MIA: variants seen among roughly 807,000 people sequenced by gnomAD.
The protein encoded by MIA is MIA SH3 domain containing.
In MIA, 18 loss-of-function variants were observed where a neutral mutation model predicts 18.5. The observed-to-expected ratio is 0.97, with a 90% CI of 0.67 to 1.44. The LOEUF is 1.44. Among genes scored for constraint, MIA ranks in the 40% most tolerant of loss-of-function variants. MIA has a pLI of 0.00. For missense variants in MIA, 158 were observed against 172.4 expected, an observed-to-expected ratio of 0.92 and a Z score of 0.47; for synonymous variants, 55 against 64.9, an observed-to-expected ratio of 0.85 and a Z score of 0.74.
chr19:40,775,977 A>G, intron 2 of MIA, 92 bp downstream of exon 2: 2 of 1,470,848 alleles, frequency 1.4e-6, no homozygotes, highest in South Asian at 2.5e-5. Flanking sequence ...GGTGAACTGA[A>G]ATAGACATTG....
At chr19:40,777,250 C>G in intron 3 of MIA, 147 bp from the exon 4 acceptor site, 1 of 1,122,168 alleles carries the variant, frequency 8.9e-7, no homozygotes, top group Non-Finnish European at 1.3e-6. Flanking sequence ...TTGGGAGGTG[C>G]AAAGATTAGA....
intron 2 of MIA, 42 bp downstream of exon 2, chr19:40,775,927 G>A: frequency 6.2e-7 from 1 of 1,603,480 alleles, no homozygotes; most frequent in Admixed American, 1.7e-5. Context: ...TACAGAGCTG[G>A]GGTAGACTCA....
chr19:40,775,352 C>T, upstream of MIA: 1 of 865,510 alleles, frequency 1.2e-6, no homozygotes. Flanking sequence ...CTTGGGCTTA[C>T]AGCCTTTACC....
In MIA at chr19:40,775,819, C is replaced by T. The variant is rs1407532101; in HGVS notation, c.195C>T (p.His65=). ...CCGACTGCCGATTCCTGACCATTCA[C>T]CGGGGCCAAGTGGTGTATGTCTTCT... ...MAPDCRFLTI[H]RGQVVYVFSK... The change falls in exon 2 of 4, where the codon CAC becomes CAT. Residue 65 remains histidine, a synonymous_variant. Coordinates refer to ENST00000263369, the MANE Select transcript of MIA (RefSeq NM_006533.4). 1 of 1,614,058 alleles carries T rather than the reference C, an allele frequency of 6.2e-7. No individual in the cohort carries two copies. Among genetic ancestry groups the T allele is most frequent in the Non-Finnish European group, 8.5e-7 (1 of 1,180,020 alleles).
In MIA at chr19:40,775,619, C is replaced by G; in HGVS notation, c.77C>G (p.Pro26Arg). 1.2e-6 allele frequency: 2 copies of G among 1,614,160 alleles called. No homozygotes were observed. The highest frequency in any genetic ancestry group is 1.7e-6 in the Non-Finnish European group (2 of 1,180,042). ...TCCGGACCTGGTGTCAGGGGTGGTCCTATGCCCAAGCTGGCTGACCGGAAG... is the reference window on the plus strand; with the variant it reads ...TCCGGACCTGGTGTCAGGGGTGGTCGTATGCCCAAGCTGGCTGACCGGAAG... Reference protein sequence around the residue: ...AFSGPGVRGGPMPKLADRKLC... With the variant: ...AFSGPGVRGGRMPKLADRKLC... Residue 26 changes from proline to arginine, a missense_variant, in exon 1 of 4, where the codon CCT becomes CGT. Physicochemically the swap from Pro to Arg is moderately radical, Grantham distance 103 (BLOSUM62 -2). Coordinates refer to ENST00000263369, the MANE Select transcript of MIA (RefSeq NM_006533.4).
chr19:40,776,967 A>G lies in MIA; in HGVS notation c.262-2A>G. 1 of 1,609,836 alleles carries G rather than the reference A, an allele frequency of 6.2e-7. No homozygotes were observed. Among genetic ancestry groups the G allele is most frequent in the African/African-American group, 1.3e-5 (1 of 74,962 alleles). On this transcript the variant is annotated splice_acceptor_variant, in intron 2 of 3. Coordinates refer to ENST00000263369, the MANE Select transcript of MIA (RefSeq NM_006533.4). LOFTEE classifies it high-confidence loss of function. ...CCCTAGCTTTTAACTCCTCTTCCCCAGGTTCAGGGAGATTACTATGGAGAT... is the reference window on the plus strand; with the variant it reads ...CCCTAGCTTTTAACTCCTCTTCCCCGGGTTCAGGGAGATTACTATGGAGAT...
In MIA at chr19:40,775,837, T is replaced by C. The variant is rs2082992039; in HGVS notation, c.213T>C (p.Tyr71=). Residue 71 remains tyrosine (Y), a synonymous_variant, in exon 2 of 4, where the codon TAT becomes TAC. Transcript: ENST00000263369. ...CCATTCACCGGGGCCAAGTGGTGTA[T>C]GTCTTCTCCAAGCTGAAGGGCCGTG... The part of the protein sequence containing the change: ...FLTIHRGQVV[Y]VFSKLKGRGR... 6.2e-7 allele frequency: 1 copy of C among 1,613,866 alleles called. No individual in the cohort carries two copies. Among genetic ancestry groups the C allele is most frequent in the South Asian group, 1.1e-5 (1 of 91,076 alleles).
chr19:40,777,302 T>C, intron 3 of MIA, 95 bp from the exon 4 acceptor site: 2 of 1,454,504 alleles, frequency 1.4e-6, no homozygotes, highest in Admixed American at 3.4e-5. Flanking sequence ...TGGCCAGACC[T>C]GGGCCCTGCA....
Position 40,777,427 on chromosome 19 carries a change from C to G in MIA, c.*7C>G, listed in dbSNP as rs1334217346. On this transcript the variant is annotated 3_prime_UTR_variant, in exon 4 of 4. Coordinates refer to ENST00000263369, the MANE Select transcript of MIA (RefSeq NM_006533.4). ...GGATTTCTACTGCCAGTGAGCTCAG[C>G]CTACCGCTGGCCCTGCCGTTTCCCC... 1.2e-6 allele frequency: 2 copies of G among 1,613,486 alleles called. No homozygotes were observed. The highest frequency in any genetic ancestry group is 1.7e-6 in the Non-Finnish European group (2 of 1,179,602).
chr19:40,776,760 A>C (rs1419786554), intron 2 of MIA: 4 of 457,806 alleles, frequency 8.7e-6, no homozygotes, highest in Non-Finnish European at 1.2e-5. Context: ...TAATAATAAT[A>C]AAAGCAAATA....
chr19:40,776,245 T>C (rs2082995372), intron 2 of MIA, among the ~76,000 whole-genome samples: 1 of 152,102 alleles, frequency 6.6e-6, no homozygotes, highest in African/African-American at 2.4e-5. Flanking sequence ...CAGGCTGGTC[T>C]TGAACTCCTG....
Position 40,775,895 on chromosome 19 carries a change from G to A in MIA, c.261+10G>A. On this transcript the variant is annotated intron_variant, in intron 2 of 3. Coordinates refer to ENST00000263369, the MANE Select transcript of MIA (RefSeq NM_006533.4). ...CTTCTGGGGAGGCAGCGTGAGTCTT[G>A]GGAGAGTGAAAGAGGGAAGGGTACA... is the stretch of plus-strand genomic sequence containing the variant. 1 of 1,613,746 alleles carries A rather than the reference G, an allele frequency of 6.2e-7. No homozygotes were observed. The highest frequency in any genetic ancestry group is 8.5e-7 in the Non-Finnish European group (1 of 1,179,880).
intron 2 of MIA, chr19:40,776,675 G>A (rs749466246): frequency 6.5e-5 from 15 of 232,120 alleles, no homozygotes; most frequent in Non-Finnish European, 1.1e-4. Context: ...CCCAGAAGTT[G>A]AGGCTGCAGT....
chr19:40,775,553 C>T lies in MIA; in HGVS notation c.11C>T (p.Ser4Phe). Residue 4 changes from serine to phenylalanine, a missense_variant, in exon 1 of 4, where the codon TCC becomes TTC. Ser to Phe is a radical substitution (Grantham distance 155). Coordinates refer to ENST00000263369, the MANE Select transcript of MIA (RefSeq NM_006533.4). ...TGCTCACAGTCCACGATGGCCCGGT[C>T]CCTGGTGTGCCTTGGTGTCATCATC... Reference protein sequence around the residue: MARSLVCLGVIILL... With the variant: MARFLVCLGVIILL... 1 of 1,614,102 alleles carries T rather than the reference C, an allele frequency of 6.2e-7. No individual in the cohort carries two copies. Among genetic ancestry groups the T allele is most frequent in the Non-Finnish European group, 8.5e-7 (1 of 1,180,018 alleles).
At chr19:40,776,455 A>T (rs2082997269) in intron 2 of MIA, among the ~76,000 whole-genome samples, 2 of 152,288 alleles carry the variant, frequency 1.3e-5, no homozygotes, top group Non-Finnish European at 2.9e-5. Context: ...AGGCATAAAA[A>T]ATAGCAGCAG....
At position 40,777,477 on chromosome 19, in the gene MIA, C is replaced by T; in HGVS notation, c.*57C>T. Reference sequence around the variant, plus strand: ...CTCCTTGGCTTTATGCAAATACAATCAGCCCAGTGCAAACGGCTCGTCTCC... The same window carrying T: ...CTCCTTGGCTTTATGCAAATACAATTAGCCCAGTGCAAACGGCTCGTCTCC... On this transcript the variant is annotated 3_prime_UTR_variant, in exon 4 of 4. Transcript: ENST00000263369. The T allele has an allele frequency of 1.3e-6, 2 of 1,529,808 alleles. No homozygotes were observed. The highest frequency in any genetic ancestry group is 1.1e-5 in the South Asian group (1 of 89,036). 94.8% of individuals were successfully genotyped at this position (1,529,808 alleles called of 1,614,324 possible). A position where few individuals can be genotyped will look rare whatever the true frequency, so the allele number is the denominator to read the frequency against.
At chr19:40,777,101 A>C in intron 3 of MIA, 22 bp downstream of exon 3, 1 of 1,594,404 alleles carries the variant, frequency 6.3e-7, no homozygotes, top group Non-Finnish European at 8.6e-7. Flanking sequence ...GGGGGCTGGC[A>C]AGAAATGTGG....
chr19:40,777,098 G>A lies in MIA; in HGVS notation c.372+19G>A. Reference sequence around the variant, plus strand: ...GACAGACGTGAGTGTCATGGGGGCTGGCAAGAAATGTGGGGGGAGGACCCT... The same window carrying A: ...GACAGACGTGAGTGTCATGGGGGCTAGCAAGAAATGTGGGGGGAGGACCCT... On this transcript the variant is annotated intron_variant, in intron 3 of 3. Transcript: ENST00000263369. 6.3e-7 allele frequency: 1 copy of A among 1,597,932 alleles called. No individual in the cohort carries two copies.
rs1568488847 is a variant in MIA at position 40,775,735 on chromosome 19, T to C, written c.128-17T>C. 6.2e-7 allele frequency: 1 copy of C among 1,614,090 alleles called. No individual in the cohort carries two copies. Reference sequence around the variant, plus strand: ...CCTGTGTGGAGGGTGCTGCATTCCCTTCTATTCCTTCCCTAGACCCTATCT... The same window carrying C: ...CCTGTGTGGAGGGTGCTGCATTCCCCTCTATTCCTTCCCTAGACCCTATCT... On this transcript the variant is annotated splice_polypyrimidine_tract_variant and intron_variant, in intron 1 of 3. Transcript: ENST00000263369.
Sources: gnomAD v4.1 joint callset for allele counts (sites outside exome capture counted in the v4.1 genomes callset) on GRCh38, gnomAD v4.1.1 for gene constraint, MANE v1.5 for transcripts, NCBI Gene and HGNC (gene_info 2026-07-23, HGNC 2026-07-21) for gene names.